CENPP: variants seen among roughly 807,000 people sequenced by gnomAD.
CENPP encodes the protein centromere protein P.
CENPP carries 24 observed loss-of-function variants against 35.6 expected under a neutral mutation model. The ratio of observed to expected loss-of-function variants is 0.67; its 90% confidence interval spans 0.49 to 0.95. CENPP has a LOEUF of 0.95. CENPP is among the 40% of genes least tolerant of loss of function. CENPP has a pLI of 0.00. For synonymous variants in CENPP, 120 were observed against 125.5 expected, an observed-to-expected ratio of 0.96 and a Z score of 0.29; for missense variants, 332 against 345.3, an observed-to-expected ratio of 0.96 and a Z score of 0.31.
chr9:92,592,710 C>G (rs544940994), intron 5 of CENPP, among the ~76,000 whole-genome samples: 1 of 152,158 alleles, frequency 6.6e-6, no homozygotes, highest in Non-Finnish European at 1.5e-5. Context: ...GCAGCTGTAC[C>G]AGTTCACACT....
chr9:92,606,638 G>A (rs1851088705), intron 5 of CENPP, among the ~76,000 whole-genome samples: 1 of 152,236 alleles, frequency 6.6e-6, no homozygotes, highest in South Asian at 2.1e-4. Context: ...AGGCACAGTG[G>A]CTCACGCCTG....
At chr9:92,610,028 A>C (rs897386672) in intron 5 of CENPP, among the ~76,000 whole-genome samples, 2 of 151,472 alleles carry the variant, frequency 1.3e-5, no homozygotes, top group Non-Finnish European at 2.9e-5. Flanking sequence ...TGAGCCACCC[A>C]CCGCACCCAG....
At chr9:92,540,729 C>T (rs1849298942) in intron 5 of CENPP, among the ~76,000 whole-genome samples, 1 of 151,746 alleles carries the variant, frequency 6.6e-6, no homozygotes, top group South Asian at 2.1e-4. Context: ...CGAGATCACA[C>T]CACTGCACTC....
intron 5 of CENPP, among the ~76,000 whole-genome samples, chr9:92,603,201 T>C (rs1380301844): frequency 6.6e-6 from 1 of 152,306 alleles, no homozygotes; most frequent in Non-Finnish European, 1.5e-5. Flanking sequence ...AGGCCCCTTG[T>C]CCCAGGCAGG....
chr9:92,388,831 CAAAA>C (rs533649013), intron 5 of CENPP, among the ~76,000 whole-genome samples: 2 of 83,578 alleles, frequency 2.4e-5, no homozygotes, highest in African/African-American at 4.2e-5. Context: ...GACTCCATCT[CAAAA>C]AAAAAAAAAA....
At chr9:92,527,705 T>C (rs143791013) in intron 5 of CENPP, among the ~76,000 whole-genome samples, 62 of 152,236 alleles carry the variant, frequency 4.1e-4, no homozygotes, top group African/African-American at 1.4e-3. Flanking sequence ...GTTTAGGAAA[T>C]GCAGGGTGAT....
chr9:92,386,821 A>T (rs1304866911), intron 5 of CENPP, among the ~76,000 whole-genome samples: 1 of 151,936 alleles, frequency 6.6e-6, no homozygotes, highest in Non-Finnish European at 1.5e-5. Context: ...TGACCTCGTG[A>T]TCTGCCCGCC....
At chr9:92,393,556 C>T (rs1460991670) in intron 5 of CENPP, among the ~76,000 whole-genome samples, 1 of 152,096 alleles carries the variant, frequency 6.6e-6, no homozygotes, top group African/African-American at 2.4e-5. Flanking sequence ...ATGAGCTTGA[C>T]TTATTAAGTT....
At chr9:92,355,937 A>G (rs992702312) in intron 4 of CENPP, among the ~76,000 whole-genome samples, 7 of 152,252 alleles carry the variant, frequency 4.6e-5, no homozygotes, top group Admixed American at 2.0e-4. Context: ...TCTTCTGTGT[A>G]TTAATAGTGA....
intron 5 of CENPP, among the ~76,000 whole-genome samples, chr9:92,546,479 C>G (rs777748226): frequency 2.0e-5 from 3 of 152,154 alleles, no homozygotes; most frequent in South Asian, 2.1e-4. Flanking sequence ...AGCGAGTCCA[C>G]GAACCCACTG....
At chr9:92,456,790 A>G in intron 5 of CENPP, 1 of 221,698 alleles carries the variant, frequency 4.5e-6, no homozygotes, top group Non-Finnish European at 7.6e-6. Context: ...ATATCAAATC[A>G]TACTTTAAGA....
rs1427094654 is a variant in CENPP at position 92,615,651 on chromosome 9, C to T, written c.*2502C>T. Reference sequence around the variant, plus strand: ...GGACACAGCACTCACTTCCTACATTCCTTGTCCAGGAAGTTGTTTCTAGTG... The same window carrying T: ...GGACACAGCACTCACTTCCTACATTTCTTGTCCAGGAAGTTGTTTCTAGTG... On this transcript the variant is annotated 3_prime_UTR_variant, in exon 8 of 8. Coordinates refer to ENST00000375587, the MANE Select transcript of CENPP (RefSeq NM_001012267.3). 3 of 580,042 alleles carry T rather than the reference C, an allele frequency of 5.2e-6. No homozygotes were observed. The East Asian group carries it at 8.7e-5, about 17-fold the overall frequency. The allele number at this position is 580,042 out of a possible 1,614,324, so 35.9% of individuals were successfully genotyped here.
At chr9:92,600,287 G>A in intron 5 of CENPP, 1 of 1,449,802 alleles carries the variant, frequency 6.9e-7, no homozygotes. Context: ...CTCTCTTCCT[G>A]TCCATACAGG....
chr9:92,620,175 T>C lies in CENPP; in HGVS notation c.*7026T>C, dbSNP rs1851583592. ...AGACACAGACATCACTTGTCTGTCA[T>C]GCCCTGCTTGTCAATGGCAAGGCAG... On this transcript the variant is annotated 3_prime_UTR_variant, in exon 8 of 8. Transcript: ENST00000375587. The C allele has an allele frequency of 6.4e-6, 1 of 156,250 alleles. No homozygotes were observed. The highest frequency in any genetic ancestry group is 2.4e-5 in the African/African-American group (1 of 41,548). 9.7% of individuals were successfully genotyped at this position (156,250 alleles called of 1,614,324 possible). A position where few individuals can be genotyped will look rare whatever the true frequency, so the allele number is the denominator to read the frequency against.
At chr9:92,517,850 C>T (rs752163626) in intron 5 of CENPP, 10 of 1,614,160 alleles carry the variant, frequency 6.2e-6, no homozygotes, top group Non-Finnish European at 8.5e-6. Flanking sequence ...TGGTTATGCC[C>T]TTTACCAAAC....
At chr9:92,574,730 T>G (rs2131359204) in intron 5 of CENPP, among the ~76,000 whole-genome samples, 1 of 152,290 alleles carries the variant, frequency 6.6e-6, no homozygotes, top group South Asian at 2.1e-4. Context: ...ATTCTAGAAT[T>G]CACATGGAAT....
chr9:92,426,599 A>G (rs915987938), intron 5 of CENPP, among the ~76,000 whole-genome samples: 3 of 152,302 alleles, frequency 2.0e-5, no homozygotes, highest in Non-Finnish European at 2.9e-5. Context: ...TGAATGAGGC[A>G]TGGGGGTACG....
chr9:92,469,343 G>A (rs1845426262), intron 5 of CENPP, among the ~76,000 whole-genome samples: 1 of 152,198 alleles, frequency 6.6e-6, no homozygotes, highest in African/African-American at 2.4e-5. Context: ...GGCAGTGTGA[G>A]AGCTGGATTT....
intron 5 of CENPP, among the ~76,000 whole-genome samples, chr9:92,396,330 A>T (rs1289382335): frequency 6.6e-6 from 1 of 151,926 alleles, no homozygotes; most frequent in East Asian, 1.9e-4. Context: ...AGACTATTCT[A>T]GGTCCTTTAT....
Sources: gnomAD v4.1 joint callset for allele counts (sites outside exome capture counted in the v4.1 genomes callset) on GRCh38, gnomAD v4.1.1 for gene constraint, MANE v1.5 for transcripts, NCBI Gene and HGNC (gene_info 2026-07-23, HGNC 2026-07-21) for gene names.